ARHGAP44: variants seen among roughly 807,000 people sequenced by gnomAD.
The protein encoded by ARHGAP44 is rho GTPase-activating protein 44.
In ARHGAP44, 43 loss-of-function variants were observed where a neutral mutation model predicts 106.8. The ratio of observed to expected loss-of-function variants is 0.40; its 90% CI spans 0.32 to 0.52. The LOEUF (loss-of-function observed/expected upper bound fraction) is 0.52, where lower values mean the gene tolerates loss of function less well. Among genes scored for constraint, ARHGAP44 ranks in the 20% least tolerant of loss-of-function variants. The pLI is 0.48. For missense variants in ARHGAP44, 866 were observed against 1,050.5 expected (o/e 0.82, Z 2.43); for synonymous variants, 439 against 410.3 (o/e 1.07, Z -0.85).
In ARHGAP44 at chr17:12,817,108, CAGAA is replaced by C. The variant is rs145589943; in HGVS notation, c.53+27221_53+27224del. On this transcript the variant is annotated intron_variant, in intron 1 of 20. Transcript: ENST00000379672. Reference sequence around the variant, plus strand: ...ATGGAGTTCAACTAGAAATCTGTAACAGAAAGATAACTAGGAAACCCCAAATGTC... The same window carrying C: ...ATGGAGTTCAACTAGAAATCTGTAACAGATAACTAGGAAACCCCAAATGTC... 5.6e-3 allele frequency among the ~76,000 whole-genome samples: 858 copies of C among 152,046 alleles called. 11 individuals are homozygous for C. Among genetic ancestry groups the C allele is most frequent in the African/African-American group, 0.02 (821 of 41,492 alleles).
intron 19 of ARHGAP44, among the ~76,000 whole-genome samples, chr17:12,981,404 T>C (rs1056435271): frequency 6.7e-6 from 1 of 148,814 alleles, no homozygotes; most frequent in African/African-American, 2.4e-5. Context: ...TTATGTCTTT[T>C]TTTTTTTTTT....
chr17:12,978,042 A>AAAAAAAAAAAAAAAAAAAAAAAAAAC (rs2039735639), intron 18 of ARHGAP44, among the ~76,000 whole-genome samples: 1 of 147,056 alleles, frequency 6.8e-6, no homozygotes, highest in Non-Finnish European at 1.5e-5. Flanking sequence ...ATCTCAAAAA[A>AAAAAAAAAAAAAAAAAAAAAAAAAAC]AAAAAAAAAA....
intron 1 of ARHGAP44, among the ~76,000 whole-genome samples, chr17:12,872,874 T>G (rs2036443173): frequency 6.6e-6 from 1 of 152,186 alleles, no homozygotes; most frequent in African/African-American, 2.4e-5. Flanking sequence ...AGCAGAAACT[T>G]AGGAATTTTA....
chr17:12,879,774 A>G (rs1479281594), intron 1 of ARHGAP44, among the ~76,000 whole-genome samples: 2 of 151,440 alleles, frequency 1.3e-5, no homozygotes, highest in Non-Finnish European at 2.9e-5. Context: ...TGGGGCACTC[A>G]TCCCCCATGC....
In ARHGAP44 at chr17:12,789,904, C is replaced by T; in HGVS notation, c.53+13C>T. 1 of 1,515,968 alleles carries T rather than the reference C, an allele frequency of 6.6e-7. No individual in the cohort carries two copies. Among genetic ancestry groups the T allele is most frequent in the South Asian group, 1.2e-5 (1 of 80,436 alleles). 93.9% of individuals were successfully genotyped at this position (1,515,968 alleles called of 1,614,324 possible). The stretch of plus-strand genomic sequence containing the variant: ...AGACGGTGGGCAGGTAGGTCACCCG[C>T]GGGCACCGCTGTCGGTGCGCGCCCG... On this transcript the variant is annotated intron_variant, in intron 1 of 20. Transcript: ENST00000379672.
chr17:12,832,563 G>A (rs1485043561), intron 1 of ARHGAP44, among the ~76,000 whole-genome samples: 1 of 152,082 alleles, frequency 6.6e-6, no homozygotes, highest in Non-Finnish European at 1.5e-5. Context: ...TAGGCAAGAA[G>A]GGGCTTTGTT....
chr17:12,990,089 T>C lies in ARHGAP44; in HGVS notation c.2375T>C (p.Leu792Pro), dbSNP rs2040086882. 1.9e-6 allele frequency: 3 copies of C among 1,613,142 alleles called. No individual in the cohort carries two copies. The highest frequency in any genetic ancestry group is 1.7e-6 in the Non-Finnish European group (2 of 1,179,412). The stretch of plus-strand genomic sequence containing the variant: ...ATAGAGCTCGGGTCGACGCTCCGCC[T>C]GAGTCCCCTGGAGCACATGCGGCGA... ...IHIELGSTLRLSPLEHMRRHS... is the reference protein window; with the variant it reads ...IHIELGSTLRPSPLEHMRRHS... Residue 792 changes from leucine to proline, a missense_variant, in exon 21 of 21, where the codon CTG becomes CCG. Transcript: ENST00000379672.
chr17:12,902,979 A>G (rs1178888485), intron 3 of ARHGAP44, among the ~76,000 whole-genome samples: 1 of 151,998 alleles, frequency 6.6e-6, no homozygotes, highest in Non-Finnish European at 1.5e-5. Flanking sequence ...CCAAGCATCA[A>G]GCCTTGGCTG....
intron 6 of ARHGAP44, among the ~76,000 whole-genome samples, chr17:12,926,711 T>C (rs1331899116): frequency 1.3e-5 from 2 of 151,688 alleles, no homozygotes; most frequent in Non-Finnish European, 2.9e-5. Flanking sequence ...TTAATATACC[T>C]ATATTTAGTA....
At chr17:12,936,377 A>C (rs1391779134) in intron 7 of ARHGAP44, among the ~76,000 whole-genome samples, 1 of 152,136 alleles carries the variant, frequency 6.6e-6, no homozygotes, top group African/African-American at 2.4e-5. Flanking sequence ...GACCCTTGAC[A>C]ACCACTGATC....
chr17:12,840,792 G>T (rs2035368365), intron 1 of ARHGAP44, among the ~76,000 whole-genome samples: 1 of 152,198 alleles, frequency 6.6e-6, no homozygotes, highest in African/African-American at 2.4e-5. Context: ...AAGTAGACAA[G>T]CAAATTCTGG....
At chr17:12,857,836 A>T (rs1052386720) in intron 1 of ARHGAP44, among the ~76,000 whole-genome samples, 1 of 151,498 alleles carries the variant, frequency 6.6e-6, no homozygotes, top group African/African-American at 2.4e-5. Context: ...TCCAAAGGGG[A>T]CTTGCAGATT....
chr17:12,856,484 A>T (rs2035915581), intron 1 of ARHGAP44, among the ~76,000 whole-genome samples: 1 of 152,200 alleles, frequency 6.6e-6, no homozygotes, highest in South Asian at 2.1e-4. Flanking sequence ...TATGTAGGAA[A>T]ATATCGGAAG....
At chr17:12,957,332 C>T (rs2039155364) in intron 15 of ARHGAP44, among the ~76,000 whole-genome samples, 1 of 152,198 alleles carries the variant, frequency 6.6e-6, no homozygotes, top group African/African-American at 2.4e-5. Context: ...GTGGATTTTA[C>T]TGGTCTAATA....
intron 1 of ARHGAP44, among the ~76,000 whole-genome samples, chr17:12,836,578 A>G (rs990704155): frequency 3.3e-5 from 5 of 151,946 alleles, no homozygotes; most frequent in African/African-American, 1.2e-4. Context: ...AACCCAGGAG[A>G]CAGAGATTGC....
At chr17:12,923,364 A>G (rs9635687) in intron 6 of ARHGAP44, among the ~76,000 whole-genome samples, 116,230 of 152,054 alleles carry the variant, frequency 0.76, 44,857 homozygotes, top group East Asian at 0.98. Context: ...GCGCCACCAC[A>G]CCCAGCTAAT....
chr17:12,916,664 C>T (rs1371973244), intron 5 of ARHGAP44, among the ~76,000 whole-genome samples: 5 of 152,202 alleles, frequency 3.3e-5, no homozygotes, highest in South Asian at 2.1e-4. Context: ...GGATTATAGG[C>T]GTGAGCCATC....
At chr17:12,987,395 T>C in intron 20 of ARHGAP44, 1 of 438,178 alleles carries the variant, frequency 2.3e-6, no homozygotes, top group East Asian at 3.5e-5. Context: ...AGCCAGCCCC[T>C]TTCCCCCACC....
intron 1 of ARHGAP44, among the ~76,000 whole-genome samples, chr17:12,837,450 A>G (rs1226080793): frequency 6.6e-6 from 1 of 152,172 alleles, no homozygotes; most frequent in Admixed American, 6.5e-5. Flanking sequence ...TTTAACATAT[A>G]GTTGATTGGC....
Sources: gnomAD v4.1 joint callset for allele counts (sites outside exome capture counted in the v4.1 genomes callset) on GRCh38, gnomAD v4.1.1 for gene constraint, MANE v1.5 for transcripts, NCBI Gene and HGNC (gene_info 2026-07-23, HGNC 2026-07-21) for gene names.